The following TMEM132C variants were observed in gnomAD, a reference collection of about 807,000 sequenced individuals.
The protein encoded by TMEM132C is transmembrane protein 132C.
TMEM132C carries 29 observed loss-of-function variants against 61.4 expected under a neutral mutation model. The ratio of observed to expected loss-of-function variants is 0.47; its 90% confidence interval spans 0.35 to 0.64. The LOEUF is 0.64. TMEM132C is among the 30% of genes least tolerant of loss of function. The pLI is 0.00. For missense variants in TMEM132C, 1,408 were observed against 1,476.9 expected (o/e 0.95, Z 0.76); for synonymous variants, 656 against 633.1 (o/e 1.04, Z -0.54).
chr12:128,279,729 C>T (rs1276158199), intron 1 of TMEM132C, among the ~76,000 whole-genome samples: 1 of 152,212 alleles, frequency 6.6e-6, no homozygotes, highest in Non-Finnish European at 1.5e-5. Flanking sequence ...ATGGAAGTCT[C>T]CCTATGCACA....
At chr12:128,602,171 T>C (rs1368370660) in intron 3 of TMEM132C, among the ~76,000 whole-genome samples, 2 of 152,216 alleles carry the variant, frequency 1.3e-5, no homozygotes, top group Non-Finnish European at 2.9e-5. Flanking sequence ...ATGGCACCAG[T>C]GTGCTGCAGC....
intron 3 of TMEM132C, among the ~76,000 whole-genome samples, chr12:128,609,136 A>T (rs1349468116): frequency 6.8e-6 from 1 of 147,324 alleles, no homozygotes; most frequent in African/African-American, 2.5e-5. Context: ...CCTCCCTGCA[A>T]CACTGTAACC....
chr12:128,302,735 A>G (rs1566048957), intron 1 of TMEM132C, among the ~76,000 whole-genome samples: 2 of 152,236 alleles, frequency 1.3e-5, no homozygotes, highest in Admixed American at 1.3e-4. Flanking sequence ...TCTACATGAC[A>G]CAATAGCAAA....
chr12:128,299,366 T>G (rs1255371619), intron 1 of TMEM132C, among the ~76,000 whole-genome samples: 2 of 152,082 alleles, frequency 1.3e-5, no homozygotes, highest in Admixed American at 1.3e-4. Flanking sequence ...GGATGCCTGG[T>G]TTTGAAAAGA....
chr12:128,662,349 C>G (rs1954399809), intron 4 of TMEM132C, among the ~76,000 whole-genome samples: 1 of 152,184 alleles, frequency 6.6e-6, no homozygotes, highest in Non-Finnish European at 1.5e-5. Context: ...CAAACCCTGA[C>G]AGGCAATCCA....
intron 1 of TMEM132C, among the ~76,000 whole-genome samples, chr12:128,305,750 G>T (rs1871753369): frequency 6.6e-6 from 1 of 152,024 alleles, no homozygotes; most frequent in Non-Finnish European, 1.5e-5. Context: ...TGAATCTATT[G>T]GTATTTTCAG....
intron 2 of TMEM132C, among the ~76,000 whole-genome samples, chr12:128,542,901 G>GTGAGCCACTGTGCCA (rs1440515928): frequency 6.6e-6 from 1 of 150,514 alleles, no homozygotes; most frequent in Non-Finnish European, 1.5e-5. Flanking sequence ...GATTATAGGC[G>GTGAGCCACTGTGCCA]TGAGCCACTG....
chr12:128,294,991 A>T (rs371968612), intron 1 of TMEM132C, among the ~76,000 whole-genome samples: 2 of 149,472 alleles, frequency 1.3e-5, no homozygotes, highest in African/African-American at 2.5e-5. Flanking sequence ...TAAATAATAG[A>T]TAGATAGATA....
chr12:128,312,179 G>A (rs565021111), intron 1 of TMEM132C, among the ~76,000 whole-genome samples: 7 of 152,194 alleles, frequency 4.6e-5, no homozygotes, highest in African/African-American at 1.7e-4. Flanking sequence ...CAAATCTCAT[G>A]TCCACCCTGA....
intron 8 of TMEM132C, 68 bp downstream of exon 8, chr12:128,697,483 G>A (rs916231242): frequency 2.1e-6 from 3 of 1,424,184 alleles, no homozygotes; most frequent in Non-Finnish European, 2.8e-6. Flanking sequence ...CAGCAAAGGG[G>A]CAGGGTGGAG....
At chr12:128,317,653 G>A (rs960536828) in intron 1 of TMEM132C, among the ~76,000 whole-genome samples, 2 of 152,222 alleles carry the variant, frequency 1.3e-5, no homozygotes, top group African/African-American at 4.8e-5. Flanking sequence ...GGGAAGCCAA[G>A]GTGGGCGGAT....
chr12:128,494,479 G>A (rs1477767342), intron 2 of TMEM132C, among the ~76,000 whole-genome samples: 1 of 152,132 alleles, frequency 6.6e-6, no homozygotes, highest in East Asian at 1.9e-4. Flanking sequence ...TCTGGTCCTG[G>A]ACTTCTTTTG....
intron 2 of TMEM132C, among the ~76,000 whole-genome samples, chr12:128,543,516 A>G (rs7138163): frequency 0.51 from 77,670 of 151,838 alleles, 20,440 homozygotes; most frequent in Non-Finnish European, 0.57. Flanking sequence ...CTGTTTAGCT[A>G]CGTTCCTCCT....
chr12:128,384,022 A>C (rs1874499209), intron 1 of TMEM132C, among the ~76,000 whole-genome samples: 1 of 152,208 alleles, frequency 6.6e-6, no homozygotes, highest in South Asian at 2.1e-4. Context: ...AACAAAACAA[A>C]AACAAACAGC....
intron 8 of TMEM132C, among the ~76,000 whole-genome samples, chr12:128,701,961 G>A (rs974099228): frequency 6.8e-6 from 1 of 147,402 alleles, no homozygotes; most frequent in Admixed American, 6.8e-5. Flanking sequence ...GTGCAGTGGT[G>A]TGATCTTGGC....
intron 5 of TMEM132C, among the ~76,000 whole-genome samples, chr12:128,683,327 T>G (rs6486717): frequency 0.58 from 88,135 of 151,994 alleles, 25,649 homozygotes; most frequent in African/African-American, 0.63. Context: ...CTTTCTTATT[T>G]AATTCTCCTG....
At chr12:128,443,155 A>G (rs1869856591) in intron 2 of TMEM132C, among the ~76,000 whole-genome samples, 1 of 152,128 alleles carries the variant, frequency 6.6e-6, no homozygotes, top group Admixed American at 6.6e-5. Context: ...AGAGAGAGAG[A>G]GAGAGACAGA....
chr12:128,446,466 A>T (rs1869984536), intron 2 of TMEM132C, among the ~76,000 whole-genome samples: 1 of 152,232 alleles, frequency 6.6e-6, no homozygotes, highest in Non-Finnish European at 1.5e-5. Context: ...CACATTTGCA[A>T]ATGCCAAACT....
intron 1 of TMEM132C, among the ~76,000 whole-genome samples, chr12:128,328,786 T>TAAAAAA (rs71069557): frequency 1.1e-5 from 1 of 94,226 alleles, no homozygotes; most frequent in African/African-American, 4.1e-5. Context: ...GATTCTGTCT[T>TAAAAAA]AAAAAAAAAA....
Sources: gnomAD v4.1 joint callset for allele counts (sites outside exome capture counted in the v4.1 genomes callset) on GRCh38, gnomAD v4.1.1 for gene constraint, MANE v1.5 for transcripts, NCBI Gene and HGNC (gene_info 2026-07-23, HGNC 2026-07-21) for gene names.